ZNF19: variants seen among roughly 807,000 people sequenced by gnomAD.
ZNF19 encodes the protein zinc finger protein 19 (KOX 12).
In ZNF19, 11 loss-of-function variants were observed where a neutral mutation model predicts 13.1. The observed-to-expected ratio is 0.84, with a 90% CI of 0.53 to 1.39. ZNF19 has a LOEUF of 1.39. Among genes scored for constraint, ZNF19 ranks in the 40% most tolerant of loss-of-function variants. The probability of loss-of-function intolerance (pLI) is 0.00; values close to 1 mark genes in which losing one functional copy is unlikely to be tolerated. For synonymous variants in ZNF19, 186 were observed against 187.0 expected (o/e 0.99, Z 0.04); for missense variants, 560 against 547.0 (o/e 1.02, Z -0.24).
intron 4 of ZNF19, 152 bp from the exon 5 acceptor site, chr16:71,478,493 A>G: frequency 1.4e-6 from 1 of 719,096 alleles, no homozygotes; most frequent in Non-Finnish European, 2.5e-6. Flanking sequence ...GAAACTGAGC[A>G]TTTGTGACTT....
chr16:71,485,353 G>A (rs1178808204), intron 1 of ZNF19, among the ~76,000 whole-genome samples: 1 of 151,880 alleles, frequency 6.6e-6, no homozygotes, highest in Non-Finnish European at 1.5e-5. Flanking sequence ...GGGAGGCTGA[G>A]GCAGGAGAAT....
Position 71,489,293 on chromosome 16 carries a change from A to G in ZNF19, c.-211T>C. 1.0e-6 allele frequency: 1 copy of G among 985,512 alleles called. No individual in the cohort carries two copies. Among genetic ancestry groups the G allele is most frequent in the Non-Finnish European group, 1.2e-6 (1 of 829,976 alleles). The allele number at this position is 985,512 out of a possible 1,614,324, so 61.0% of individuals were successfully genotyped here. On this transcript the variant is annotated 5_prime_UTR_variant, in exon 1 of 6. Coordinates refer to ENST00000288177, the MANE Select transcript of ZNF19 (RefSeq NM_006961.4). ...GCACCTTTGAGCGCGGACTCAAAAC[A>G]GGCCAGAAGCGCACCGCTAGCGAGA...
In ZNF19 at chr16:71,489,322, G is replaced by C. The variant is rs922324524; in HGVS notation, c.-240C>G. The C allele has an allele frequency of 1.0e-6, 1 of 985,452 alleles. No homozygotes were observed. The highest frequency in any genetic ancestry group is 4.7e-5 in the South Asian group (1 of 21,284). 61.0% of individuals were successfully genotyped at this position (985,452 alleles called of 1,614,324 possible). On this transcript the variant is annotated 5_prime_UTR_variant, in exon 1 of 6. Transcript: ENST00000288177. ...CAGAAGCGCACCGCTAGCGAGAACG[G>C]TTAGGAGGCCGGAAGTGCGTCACGC...
At chr16:71,484,315 T>C (rs1050137291) in intron 2 of ZNF19, among the ~76,000 whole-genome samples, 1 of 152,202 alleles carries the variant, frequency 6.6e-6, no homozygotes, top group African/African-American at 2.4e-5. Flanking sequence ...AATGAGCAGA[T>C]GGGGTTTGGG....
rs147699542 is a variant in ZNF19 at position 71,475,856 on chromosome 16, T to G, written c.691A>C (p.Asn231His). 18 of 1,612,980 alleles carry G rather than the reference T, an allele frequency of 1.1e-5. No individual in the cohort carries two copies. Among genetic ancestry groups the G allele is most frequent in the Non-Finnish European group, 1.2e-5 (14 of 1,179,468 alleles). ...TGGATTCTCTGATGCCTGATCAGAT[T>G]TGCATTATCATTAAAGGCTCGCCCA... is the stretch of plus-strand genomic sequence containing the variant. ...ECGRAFNDNA[N>H]LIRHQRIHSG... is the part of the protein sequence containing the mutation. Residue 231 changes from asparagine to histidine, a missense_variant, in exon 6 of 6, where the codon AAT (asparagine) becomes CAT (histidine). Asn to His is a moderately conservative substitution (Grantham distance 68, BLOSUM62 1). Transcript: ENST00000288177.
At position 71,475,095 on chromosome 16, in the gene ZNF19, G is replaced by A; in HGVS notation, c.*75C>T. 2.1e-6 allele frequency: 3 copies of A among 1,461,864 alleles called. No individual in the cohort carries two copies. The highest frequency in any genetic ancestry group is 2.7e-6 in the Non-Finnish European group (3 of 1,096,708). The allele number at this position is 1,461,864 out of a possible 1,614,324, so 90.6% of individuals were successfully genotyped here. ...GCTTGAGGGATGGATCAGAGGCTGA[G>A]TCAGGCCTGTGTCACACATTCCATT... On this transcript the variant is annotated 3_prime_UTR_variant, in exon 6 of 6. Transcript: ENST00000288177.
chr16:71,478,509 T>TAA, intron 4 of ZNF19, 168 bp from the exon 5 acceptor site: 1 of 707,932 alleles, frequency 1.4e-6, no homozygotes, highest in Non-Finnish European at 2.6e-6. Flanking sequence ...GACTTCTTCC[T>TAA]AAAAAAAACA....
chr16:71,488,471 C>T (rs1409462577), intron 1 of ZNF19, among the ~76,000 whole-genome samples: 1 of 151,968 alleles, frequency 6.6e-6, no homozygotes, highest in African/African-American at 2.4e-5. Flanking sequence ...TATAAGAAGT[C>T]CCAAAGAATC....
intron 3 of ZNF19, among the ~76,000 whole-genome samples, chr16:71,480,295 C>G (rs1413811544): frequency 6.6e-6 from 1 of 152,154 alleles, no homozygotes; most frequent in Non-Finnish European, 1.5e-5. Flanking sequence ...CCCCTCATCC[C>G]AGCACTGCCT....
intron 1 of ZNF19, 88 bp from the exon 2 acceptor site, chr16:71,484,836 T>A: frequency 1.7e-6 from 1 of 600,734 alleles, no homozygotes; most frequent in Non-Finnish European, 2.1e-6. Context: ...CAAACTACTG[T>A]AGTATCAGCC....
At position 71,479,114 on chromosome 16, in the gene ZNF19, G is replaced by A. The variant is rs750750167; in HGVS notation, c.34-109C>T. On this transcript the variant is annotated intron_variant, in intron 3 of 5. Transcript: ENST00000288177. The stretch of plus-strand genomic sequence containing the variant: ...TGAGGGAAAGTCCTGTGAGGGATAG[G>A]TAATGAGAAAATGTGACAGAACTGG... The A allele has an allele frequency of 2.7e-6, 4 of 1,496,352 alleles. No homozygotes were observed. In the East Asian group the frequency reaches 6.8e-5, roughly 25 times the overall value. 92.7% of individuals were successfully genotyped at this position (1,496,352 alleles called of 1,614,324 possible).
intron 2 of ZNF19, among the ~76,000 whole-genome samples, chr16:71,483,480 C>G (rs1230658334): frequency 6.6e-6 from 1 of 152,162 alleles, no homozygotes; most frequent in East Asian, 1.9e-4. Context: ...TTCATACCTG[C>G]TGTTTCTTCT....
At chr16:71,484,516 G>C in intron 2 of ZNF19, 73 bp downstream of exon 2, 1 of 985,456 alleles carries the variant, frequency 1.0e-6, no homozygotes, top group Non-Finnish European at 1.2e-6. Context: ...CAGGGACGAA[G>C]CCGACAGCCT....
At chr16:71,481,976 G>A in intron 3 of ZNF19, 106 bp downstream of exon 3, 1 of 1,244,696 alleles carries the variant, frequency 8.0e-7, no homozygotes, top group South Asian at 1.2e-5. Flanking sequence ...ATCAGCAGGG[G>A]TTTTCCTACT....
At chr16:71,489,088 G>C (rs1014310111) in intron 1 of ZNF19, 184 bp downstream of exon 1, 5 of 248,956 alleles carry the variant, frequency 2.0e-5, no homozygotes, top group African/African-American at 1.2e-4. Context: ...GTTCGTGAGC[G>C]GCAAAGCTTG....
At position 71,473,936 on chromosome 16, in the gene ZNF19, A is replaced by G. The variant is rs1038547883; in HGVS notation, c.*1234T>C. The G allele has an allele frequency of 6.6e-6, 1 of 152,210 alleles. No homozygotes were observed. Among genetic ancestry groups the G allele is most frequent in the Non-Finnish European group, 1.5e-5 (1 of 68,038 alleles). The allele number at this position is 152,210 out of a possible 1,614,324, so 9.4% of individuals were successfully genotyped here. ...ACTTCAATTAAAAGGTGTTTACTCAATTCCCCAAGTCTATCATTCATTGGT... is the reference window on the plus strand; with the variant it reads ...ACTTCAATTAAAAGGTGTTTACTCAGTTCCCCAAGTCTATCATTCATTGGT... On this transcript the variant is annotated 3_prime_UTR_variant, in exon 6 of 6. Transcript: ENST00000288177.
Position 71,479,008 on chromosome 16 carries a change from A to G in ZNF19, c.34-3T>C. The G allele has an allele frequency of 1.2e-6, 2 of 1,614,152 alleles. No homozygotes were observed. Among genetic ancestry groups the G allele is most frequent in the Non-Finnish European group, 1.7e-6 (2 of 1,180,012 alleles). On this transcript the variant is annotated splice_region_variant and splice_polypyrimidine_tract_variant and intron_variant, in intron 3 of 5. Transcript: ENST00000288177. ...ACATCCTCGAAGGTCACCATCTCCT[A>G]AAACAACAGGTTCCTGCTGCCCCAG... is the stretch of plus-strand genomic sequence containing the variant.
In ZNF19 at chr16:71,474,412, G is replaced by A. The variant is rs2043585747; in HGVS notation, c.*758C>T. 1 of 152,198 alleles carries A rather than the reference G, an allele frequency of 6.6e-6. No individual in the cohort carries two copies. Among genetic ancestry groups the A allele is most frequent in the African/African-American group, 2.4e-5 (1 of 41,452 alleles). The allele number at this position is 152,198 out of a possible 1,614,324, so 9.4% of individuals were successfully genotyped here. A position where few individuals can be genotyped will look rare whatever the true frequency, so the allele number is the denominator to read the frequency against. ...AAGAGTGAAAGCTTTTAGTTTCCTAGTTAAGACTTTTCTTGAGAATGGATT... is the reference window on the plus strand; with the variant it reads ...AAGAGTGAAAGCTTTTAGTTTCCTAATTAAGACTTTTCTTGAGAATGGATT... On this transcript the variant is annotated 3_prime_UTR_variant, in exon 6 of 6. Coordinates refer to ENST00000288177, the MANE Select transcript of ZNF19 (RefSeq NM_006961.4).
In ZNF19 at chr16:71,489,276, G is replaced by A; in HGVS notation, c.-194C>T. 1.0e-6 allele frequency: 1 copy of A among 985,586 alleles called. No individual in the cohort carries two copies. Among genetic ancestry groups the A allele is most frequent in the Non-Finnish European group, 1.2e-6 (1 of 830,022 alleles). The allele number at this position is 985,586 out of a possible 1,614,324, so 61.1% of individuals were successfully genotyped here. A position where few individuals can be genotyped will look rare whatever the true frequency, so the allele number is the denominator to read the frequency against. On this transcript the variant is annotated 5_prime_UTR_variant, in exon 1 of 6. Coordinates refer to ENST00000288177, the MANE Select transcript of ZNF19 (RefSeq NM_006961.4). ...TGGGTCCTTGCACTTTGGCACCTTT[G>A]AGCGCGGACTCAAAACAGGCCAGAA...
Sources: gnomAD v4.1 joint callset for allele counts (sites outside exome capture counted in the v4.1 genomes callset) on GRCh38, gnomAD v4.1.1 for gene constraint, MANE v1.5 for transcripts, NCBI Gene and HGNC (gene_info 2026-07-23, HGNC 2026-07-21) for gene names.